Variants in PARG observed in about 807,000 individuals in gnomAD.
The protein encoded by PARG is poly(ADP-ribose) glycohydrolase.
In PARG, 35 loss-of-function variants were observed where a neutral mutation model predicts 113.0. The ratio of observed to expected loss-of-function variants is 0.31; its 90% CI spans 0.24 to 0.41. The LOEUF (loss-of-function observed/expected upper bound fraction) is 0.41, where lower values mean the gene tolerates loss of function less well. PARG is among the 10% of genes least tolerant of loss of function. PARG has a pLI of 1.00. For synonymous variants in PARG, 330 were observed against 409.9 expected (o/e 0.81, Z 2.36); for missense variants, 797 against 1,169.4 (o/e 0.68, Z 4.64).
chr10:49,880,891 C>G (rs1847182047), intron 8 of PARG, among the ~76,000 whole-genome samples: 1 of 152,134 alleles, frequency 6.6e-6, no homozygotes, highest in African/African-American at 2.4e-5. Context: ...AGTATTTTAC[C>G]CCAAAATATA....
chr10:49,896,660 C>T (rs1242221771), intron 7 of PARG, among the ~76,000 whole-genome samples: 1 of 152,144 alleles, frequency 6.6e-6, no homozygotes, highest in Non-Finnish European at 1.5e-5. Flanking sequence ...AATAATCATA[C>T]AGCTTTTAAA....
intron 7 of PARG, among the ~76,000 whole-genome samples, chr10:49,895,059 C>G (rs2132709416): frequency 6.6e-6 from 1 of 152,232 alleles, no homozygotes; most frequent in Admixed American, 6.5e-5. Flanking sequence ...CATAAGGACA[C>G]CAGTCATTGA....
At chr10:49,886,275 G>A (rs1363026854) in intron 7 of PARG, among the ~76,000 whole-genome samples, 1 of 152,186 alleles carries the variant, frequency 6.6e-6, no homozygotes, top group Admixed American at 6.5e-5. Flanking sequence ...AATCGATGAA[G>A]AAACAGACTC....
At chr10:49,901,523 A>G (rs1848348376) in intron 7 of PARG, among the ~76,000 whole-genome samples, 1 of 152,120 alleles carries the variant, frequency 6.6e-6, no homozygotes, top group African/African-American at 2.4e-5. Context: ...ATAGTGCTTA[A>G]TTCTTAATTT....
At chr10:49,851,204 G>GA (rs1336689480) in intron 13 of PARG, among the ~76,000 whole-genome samples, 4 of 150,148 alleles carry the variant, frequency 2.7e-5, no homozygotes, top group Admixed American at 2.7e-4. Context: ...ACGATCATGG[G>GA]AAAAAACATT....
intron 16 of PARG, 28 bp downstream of exon 16, chr10:49,832,775 G>T: frequency 7.5e-7 from 1 of 1,329,116 alleles, no homozygotes; most frequent in Middle Eastern, 1.8e-4. Flanking sequence ...TGGGCAGAAT[G>T]CTTTTATCCT....
intron 8 of PARG, among the ~76,000 whole-genome samples, chr10:49,883,733 A>G (rs1208430923): frequency 1.3e-5 from 2 of 151,598 alleles, no homozygotes; most frequent in Admixed American, 6.6e-5. Context: ...CCCAGGAGGC[A>G]GAGGTTGCAG....
At chr10:49,874,840 C>T (rs1431378218) in intron 9 of PARG, among the ~76,000 whole-genome samples, 1 of 136,128 alleles carries the variant, frequency 7.3e-6, no homozygotes, top group Non-Finnish European at 1.6e-5. Context: ...GTCGACAGAG[C>T]GAGACTCTGT....
chr10:49,912,616 T>A (rs1164435951), intron 7 of PARG, among the ~76,000 whole-genome samples: 1 of 151,052 alleles, frequency 6.6e-6, no homozygotes, highest in Non-Finnish European at 1.5e-5. Flanking sequence ...TGAGCCGAGA[T>A]TACATCACTG....
At chr10:49,929,682 C>CA (rs1405657698) in intron 4 of PARG, among the ~76,000 whole-genome samples, 1 of 152,050 alleles carries the variant, frequency 6.6e-6, no homozygotes, top group Non-Finnish European at 1.5e-5. Flanking sequence ...CAAAATTAGC[C>CA]AGGCGTGGTG....
intron 15 of PARG, among the ~76,000 whole-genome samples, chr10:49,836,307 CTTTTTTT>C (rs1168567519): frequency 1.2e-4 from 6 of 48,010 alleles, no homozygotes; most frequent in African/African-American, 1.5e-4. Context: ...TTTCTTACGA[CTTTTTTT>C]TTTTTTTTTT....
rs1397856815 is a variant in PARG at position 49,906,293 on chromosome 10, AATG to A, written c.1737+9621_1737+9623del. ...CCACATGTCCAGCCATGTGGTTCTA[AATG>A]ATGCCAGATCTAAGGCTATGGGCCA... is the stretch of plus-strand genomic sequence containing the variant. On this transcript the variant is annotated intron_variant, in intron 7 of 17. Transcript: ENST00000616448. Among the ~76,000 whole-genome samples the A allele has an allele frequency of 2.6e-5, 4 of 152,038 alleles. No homozygotes were observed. The East Asian group carries it at 7.8e-4, about 30-fold the overall frequency.
chr10:49,903,057 C>T (rs1848418107), intron 7 of PARG, among the ~76,000 whole-genome samples: 1 of 151,726 alleles, frequency 6.6e-6, no homozygotes, highest in African/African-American at 2.4e-5. Context: ...GATCTCTTGA[C>T]CTCGTGATCT....
chr10:49,819,390 C>T lies in PARG; in HGVS notation c.2881G>A (p.Glu961Lys), dbSNP rs1369795748. 17 of 1,551,358 alleles carry T rather than the reference C, an allele frequency of 1.1e-5. No individual in the cohort carries two copies. Among genetic ancestry groups the T allele is most frequent in the Non-Finnish European group, 1.5e-5 (17 of 1,146,858 alleles). Residue 961 changes from glutamate to lysine, a missense_variant, in exon 18 of 18, where the codon GAG becomes AAG. Transcript: ENST00000616448. ...TGGTCAGCGGTCTCTGCACAGGACT[C>T]GACAGCATGGTATATGAATGGATAA... ...KLYPFIYHAV[E>K]SCAETADHSG...
intron 7 of PARG, among the ~76,000 whole-genome samples, chr10:49,898,940 C>T (rs1303197412): frequency 2.0e-5 from 3 of 152,150 alleles, no homozygotes; most frequent in East Asian, 1.9e-4. Flanking sequence ...TATTTATGAA[C>T]GTGCATTCTA....
intron 10 of PARG, among the ~76,000 whole-genome samples, chr10:49,868,961 T>G (rs1348890331): frequency 2.2e-4 from 34 of 152,234 alleles, no homozygotes; most frequent in African/African-American, 4.1e-4. Context: ...ATTACTGTCT[T>G]AGCTGCTATC....
chr10:49,883,921 A>G (rs1847336617), intron 8 of PARG, among the ~76,000 whole-genome samples: 2 of 151,186 alleles, frequency 1.3e-5, no homozygotes, highest in African/African-American at 2.4e-5. Context: ...AAAATAGGTC[A>G]TAGAAGACAC....
chr10:49,880,866 C>A (rs1257108784), intron 8 of PARG, among the ~76,000 whole-genome samples: 1 of 152,122 alleles, frequency 6.6e-6, no homozygotes, highest in Non-Finnish European at 1.5e-5. Context: ...AGATAGCAGA[C>A]CTTGAAAGAA....
chr10:49,878,498 A>C (rs1423835010), intron 9 of PARG, among the ~76,000 whole-genome samples: 1 of 149,618 alleles, frequency 6.7e-6, no homozygotes, highest in African/African-American at 2.5e-5. Flanking sequence ...TGCACCTGTA[A>C]GCCCAGCTAC....
Sources: gnomAD v4.1 joint callset for allele counts (sites outside exome capture counted in the v4.1 genomes callset) on GRCh38, gnomAD v4.1.1 for gene constraint, MANE v1.5 for transcripts, NCBI Gene and HGNC (gene_info 2026-07-23, HGNC 2026-07-21) for gene names.